The following VDR variants were observed in gnomAD, a reference collection of about 807,000 sequenced individuals.
VDR encodes vitamin D receptor.
A neutral mutation model predicts 39.7 loss-of-function variants in VDR; 19 were observed. The ratio of observed to expected loss-of-function variants is 0.48; its 90% CI spans 0.33 to 0.70. The LOEUF (loss-of-function observed/expected upper bound fraction) is 0.70, where lower values mean the gene tolerates loss of function less well. Among genes scored for constraint, VDR ranks in the 30% least tolerant of loss-of-function variants. VDR has a pLI of 0.02. For synonymous variants in VDR, 242 were observed against 215.8 expected (o/e 1.12, Z -1.07); for missense variants, 442 against 570.5 (o/e 0.77, Z 2.29).
In VDR at chr12:47,843,627, C is replaced by G. The variant is rs1945212917; in HGVS notation, c.*1119G>C. 1 of 152,390 alleles carries G rather than the reference C, an allele frequency of 6.6e-6. No individual in the cohort carries two copies. The highest frequency in any genetic ancestry group is 2.4e-5 in the African/African-American group (1 of 41,454). 9.4% of individuals were successfully genotyped at this position (152,390 alleles called of 1,614,324 possible). A position where few individuals can be genotyped will look rare whatever the true frequency, so the allele number is the denominator to read the frequency against. On this transcript the variant is annotated 3_prime_UTR_variant, in exon 10 of 10. Transcript: ENST00000549336. ...GCACCTTACCCTACATCACGGAACCCCCAAACACTCTCTCTGACTAGCCAC... is the reference window on the plus strand; with the variant it reads ...GCACCTTACCCTACATCACGGAACCGCCAAACACTCTCTCTGACTAGCCAC...
At chr12:47,904,859 T>C in intron 1 of VDR, 96 bp downstream of exon 1, 1 of 373,382 alleles carries the variant, frequency 2.7e-6, no homozygotes, top group Non-Finnish European at 4.9e-6. Context: ...TAGACTCTAA[T>C]GCTCGCAGCC....
intron 1 of VDR, among the ~76,000 whole-genome samples, chr12:47,893,133 A>T (rs529957057): frequency 6.6e-6 from 1 of 152,320 alleles, no homozygotes; most frequent in South Asian, 2.1e-4. Flanking sequence ...TTCAAGTTAA[A>T]CCCAGTGAGT....
chr12:47,859,152 C>T (rs1243268829), intron 4 of VDR, among the ~76,000 whole-genome samples: 1 of 152,130 alleles, frequency 6.6e-6, no homozygotes, highest in Admixed American at 6.5e-5. Flanking sequence ...CTTGGGGAGC[C>T]CAAGATTAGG....
At chr12:47,875,512 G>C (rs1945982023) in intron 3 of VDR, among the ~76,000 whole-genome samples, 1 of 152,172 alleles carries the variant, frequency 6.6e-6, no homozygotes. Context: ...ACAGATATGA[G>C]TGACCACAGG....
rs1056498485 is a variant in VDR at position 47,889,269 on chromosome 12, G to A, written c.-83-6495C>T. Among the ~76,000 whole-genome samples the A allele has an allele frequency of 4.6e-5, 7 of 152,060 alleles. No individual in the cohort carries two copies. The East Asian group carries it at 7.8e-4, about 17-fold the overall frequency. ...CTGGCCGAGTCCAGTACCCCCAATC[G>A]CCTGCCTGAGCAGCTTCAGGGCGAG... On this transcript the variant is annotated intron_variant, in intron 1 of 9. Transcript: ENST00000549336.
intron 1 of VDR, among the ~76,000 whole-genome samples, chr12:47,887,322 C>CAAAAAAAA (rs10686139): frequency 3.2e-4 from 23 of 72,048 alleles, no homozygotes; most frequent in African/African-American, 1.1e-3. Context: ...AACTCCGTCT[C>CAAAAAAAA]AAAAAAAAAA....
At chr12:47,899,575 G>C (rs867434251) in intron 1 of VDR, among the ~76,000 whole-genome samples, 1 of 152,248 alleles carries the variant, frequency 6.6e-6, no homozygotes, top group African/African-American at 2.4e-5. Context: ...CAGGCCACTA[G>C]CTTCTAACAG....
At position 47,879,047 on chromosome 12, in the gene VDR, T is replaced by G. The variant is rs1946077321; in HGVS notation, c.67A>C (p.Ile23Leu). The G allele has an allele frequency of 3.1e-6, 5 of 1,614,112 alleles. No individual in the cohort carries two copies. Among genetic ancestry groups the G allele is most frequent in the Non-Finnish European group, 4.2e-6 (5 of 1,180,002 alleles). Reference sequence around the variant, plus strand: ...GCTCGGTCTCCACACACCCCACAGATCCGGGGCACGTTCCGGTCAAAGTCT... The same window carrying G: ...GCTCGGTCTCCACACACCCCACAGAGCCGGGGCACGTTCCGGTCAAAGTCT... ...PGDFDRNVPR[I>L]CGVCGDRATG... Residue 23 changes from isoleucine (I) to leucine (L), a missense_variant, in exon 3 of 10, where the codon ATC becomes CTC. By Grantham distance (5) the Ile-to-Leu change is conservative. This residue lies in a region of VDR where 141 missense variants were observed against 141.3 expected (regional missense o/e 1.00). Coordinates refer to ENST00000549336, the MANE Select transcript of VDR (RefSeq NM_000376.3).
At chr12:47,862,851 C>T (rs1287401084) in intron 4 of VDR, among the ~76,000 whole-genome samples, 1 of 152,222 alleles carries the variant, frequency 6.6e-6, no homozygotes, top group South Asian at 2.1e-4. Flanking sequence ...ATGTCTCTTC[C>T]TGGACAGTCT....
intron 3 of VDR, among the ~76,000 whole-genome samples, chr12:47,876,921 G>T (rs575048796): frequency 6.6e-5 from 10 of 152,218 alleles, no homozygotes; most frequent in African/African-American, 1.4e-4. Flanking sequence ...TGAATCTCAG[G>T]GGGGAGGAGG....
Position 47,857,545 on chromosome 12 carries a change from T to C in VDR, c.421A>G (p.Lys141Glu). The C allele has an allele frequency of 2.5e-6, 4 of 1,614,160 alleles. No homozygotes were observed. Among genetic ancestry groups the C allele is most frequent in the Non-Finnish European group, 3.4e-6 (4 of 1,180,032 alleles). The change falls in exon 5 of 10, where the codon AAG (lysine) becomes GAG (glutamate). Residue 141 changes from lysine to glutamate, a missense_variant. Transcript: ENST00000549336. ...IIAILLDAHH[K>E]TYDPTYSDFC... is the part of the protein sequence containing the mutation. ...TCGGAGTAGGTGGGGTCGTAGGTCT[T>C]ATGGTGGGCGTCCAGCAGTATGGCA...
rs145798917 is a variant in VDR, at chr12:47,877,252, G to A, written c.146+1716C>T. Among the ~76,000 whole-genome samples, 148 of 152,118 alleles carry A rather than the reference G, an allele frequency of 9.7e-4. 1 individual carries two copies. The highest frequency in any genetic ancestry group is 3.0e-3 in the African/African-American group (126 of 41,512). On this transcript the variant is annotated intron_variant, in intron 3 of 9. Coordinates refer to ENST00000549336, the MANE Select transcript of VDR (RefSeq NM_000376.3). ...AAATCACACAAACACACACACACACGAGGAAAGTGGCTGGCTGGCTGGCTG... is the reference window on the plus strand; with the variant it reads ...AAATCACACAAACACACACACACACAAGGAAAGTGGCTGGCTGGCTGGCTG...
chr12:47,853,542 C>T (rs1460641900), intron 7 of VDR, among the ~76,000 whole-genome samples: 1 of 152,008 alleles, frequency 6.6e-6, no homozygotes, highest in Non-Finnish European at 1.5e-5. Context: ...CACCTGAGGT[C>T]AGTAGTTCAA....
chr12:47,868,484 C>A (rs995884401), intron 3 of VDR, among the ~76,000 whole-genome samples: 59 of 152,208 alleles, frequency 3.9e-4, no homozygotes, highest in Non-Finnish European at 4.8e-4. Flanking sequence ...AAACAAAAAG[C>A]CTTTTGCCGT....
intron 5 of VDR, 49 bp from the exon 6 acceptor site, chr12:47,857,298 C>T (rs1945511253): frequency 6.2e-7 from 1 of 1,613,402 alleles, no homozygotes; most frequent in African/African-American, 1.3e-5. Context: ...GGTTGCCTTC[C>T]TACCTTGGCC....
intron 1 of VDR, among the ~76,000 whole-genome samples, chr12:47,890,689 C>T (rs1946353848): frequency 6.6e-6 from 1 of 152,192 alleles, no homozygotes; most frequent in Non-Finnish European, 1.5e-5. Context: ...TTTAAACTCT[C>T]TTGGATAAGG....
At chr12:47,879,263 G>C (rs992678530) in intron 2 of VDR, 148 bp from the exon 3 acceptor site, 1 of 967,002 alleles carries the variant, frequency 1.0e-6, no homozygotes, top group African/African-American at 1.7e-5. Context: ...TCTCCCCAGG[G>C]CCCAGGCCTG....
chr12:47,882,438 C>T lies in VDR; in HGVS notation c.-3+256G>A, dbSNP rs11574041. Among the ~76,000 whole-genome samples, 3,751 of 152,160 alleles carry T rather than the reference C, an allele frequency of 0.025. 158 individuals carry two copies. The highest frequency in any genetic ancestry group is 0.084 in the African/African-American group (3,504 of 41,482). The stretch of plus-strand genomic sequence containing the variant: ...TGGGGGCTGGATAGGAAACATCAGA[C>T]GCACAGGAGAGCCCAGCCAGGGTCG... On this transcript the variant is annotated intron_variant, in intron 2 of 9. Transcript: ENST00000549336.
rs776474185 is a variant in VDR, at chr12:47,878,829, C to T, written c.146+139G>A. On this transcript the variant is annotated intron_variant, in intron 3 of 9. Coordinates refer to ENST00000549336, the MANE Select transcript of VDR (RefSeq NM_000376.3). ...GATACCACTCACCAAGACCCTCCTG[C>T]TCCTGTGGCTGTGAGCGCCGCATGT... is the stretch of plus-strand genomic sequence containing the variant. 1.2e-5 allele frequency: 16 copies of T among 1,361,290 alleles called. No homozygotes were observed. The South Asian group carries it at 1.4e-4, about 12-fold the overall frequency. The allele number at this position is 1,361,290 out of a possible 1,614,324, so 84.3% of individuals were successfully genotyped here.
Sources: allele counts gnomAD v4.1 joint callset (sites outside exome capture counted in the v4.1 genomes callset), GRCh38; gene constraint gnomAD v4.1.1; regional missense constraint gnomAD v4.1.1; transcripts MANE v1.5; gene names NCBI Gene and HGNC (gene_info 2026-07-23, HGNC 2026-07-21).